BNC2: variants seen among roughly 807,000 people sequenced by gnomAD.
BNC2 encodes the protein basonuclin zinc finger protein 2, also known as zinc finger protein basonuclin-2.
A neutral mutation model predicts 76.3 loss-of-function variants in BNC2; 20 were observed. That is an observed-to-expected ratio of 0.26 (90% CI 0.18 to 0.38). The LOEUF (loss-of-function observed/expected upper bound fraction) is 0.38. BNC2 is among the 10% of genes least tolerant of loss of function. BNC2 has a pLI of 1.00. For synonymous variants in BNC2, 582 were observed against 514.8 expected, an observed-to-expected ratio of 1.13 and a Z score of -1.77; for missense variants, 1,382 against 1,399.8, an observed-to-expected ratio of 0.99 and a Z score of 0.20.
chr9:16,436,247 G>A lies in BNC2; in HGVS notation c.1947C>T (p.Thr649=), dbSNP rs62540608. The A allele has an allele frequency of 6.1e-3, 9,855 of 1,614,058 alleles. 41 individuals are homozygous for A. The highest frequency in any genetic ancestry group is 7.2e-3 in the Non-Finnish European group (8,520 of 1,180,010). ...PVKIEKEIID[T]ADEFDDEDDD... ...CATCTTCATCATCAAACTCATCGGC[G>A]GTATCAATAATTTCCTTCTCAATCT... The change falls in exon 6 of 7, where the codon ACC becomes ACT. Residue 649 remains threonine, a synonymous_variant. Coordinates refer to ENST00000380672, the MANE Select transcript of BNC2 (RefSeq NM_017637.6).
chr9:16,474,326 T>C (rs149103899), intron 5 of BNC2, among the ~76,000 whole-genome samples: 3 of 152,296 alleles, frequency 2.0e-5, no homozygotes, highest in Admixed American at 1.3e-4. Context: ...AGAAGAACAC[T>C]TGGGAACATT....
intron 2 of BNC2, among the ~76,000 whole-genome samples, chr9:16,735,640 G>C (rs1443603740): frequency 6.6e-6 from 1 of 151,896 alleles, no homozygotes; most frequent in Non-Finnish European, 1.5e-5. Flanking sequence ...GGGATTACAG[G>C]CGTGTGCCAT....
intron 1 of BNC2, among the ~76,000 whole-genome samples, chr9:16,810,529 A>G (rs1225779028): frequency 1.3e-5 from 2 of 152,238 alleles, no homozygotes; most frequent in Non-Finnish European, 2.9e-5. Context: ...TTAAGCAGTG[A>G]TGCACATTCA....
At chr9:16,817,775 C>G (rs1341096871) in intron 1 of BNC2, among the ~76,000 whole-genome samples, 1 of 152,182 alleles carries the variant, frequency 6.6e-6, no homozygotes, top group Non-Finnish European at 1.5e-5. Context: ...TAAGCATTTA[C>G]TGAGTTTTCA....
intron 3 of BNC2, among the ~76,000 whole-genome samples, chr9:16,589,414 A>G (rs1819861296): frequency 6.6e-6 from 1 of 151,570 alleles, no homozygotes; most frequent in South Asian, 2.1e-4. Flanking sequence ...TCAAACTCCT[A>G]AGCTCAAGCG....
chr9:16,503,824 A>G (rs1430069922), intron 5 of BNC2, among the ~76,000 whole-genome samples: 1 of 152,178 alleles, frequency 6.6e-6, no homozygotes, highest in Non-Finnish European at 1.5e-5. Flanking sequence ...TTATTTAGCA[A>G]TTATGTGGGC....
intron 5 of BNC2, among the ~76,000 whole-genome samples, chr9:16,481,828 CACAT>C (rs1209005431): frequency 1.2e-4 from 18 of 152,168 alleles, no homozygotes; most frequent in African/African-American, 4.1e-4. Flanking sequence ...TATACACAAA[CACAT>C]ACAGTCCAAT....
At chr9:16,653,050 A>C (rs1242088054) in intron 3 of BNC2, among the ~76,000 whole-genome samples, 1 of 152,136 alleles carries the variant, frequency 6.6e-6, no homozygotes, top group Non-Finnish European at 1.5e-5. Flanking sequence ...ATGATCTCCA[A>C]ATTACAAACT....
intron 1 of BNC2, among the ~76,000 whole-genome samples, chr9:16,780,745 C>CA (rs1266969148): frequency 6.6e-6 from 1 of 151,824 alleles, no homozygotes; most frequent in Non-Finnish European, 1.5e-5. Flanking sequence ...CCCAGAAGAG[C>CA]AAAAAATCTG....
At chr9:16,745,872 G>A (rs745359561) in intron 1 of BNC2, among the ~76,000 whole-genome samples, 1 of 152,142 alleles carries the variant, frequency 6.6e-6, no homozygotes, top group Non-Finnish European at 1.5e-5. Flanking sequence ...TATTTTTTCA[G>A]TAACAGTGGT....
intron 1 of BNC2, among the ~76,000 whole-genome samples, chr9:16,763,835 T>C (rs147288402): frequency 1.5e-4 from 23 of 152,234 alleles, no homozygotes; most frequent in Admixed American, 2.6e-4. Context: ...TCACAAAGGG[T>C]GGCAACATCA....
At chr9:16,485,531 A>T (rs975650068) in intron 5 of BNC2, among the ~76,000 whole-genome samples, 3 of 152,226 alleles carry the variant, frequency 2.0e-5, no homozygotes, top group Admixed American at 6.5e-5. Context: ...TCAAGGGATC[A>T]TATAGGCTCT....
At chr9:16,862,593 T>C (rs548821135) in intron 1 of BNC2, among the ~76,000 whole-genome samples, 181 of 152,196 alleles carry the variant, frequency 1.2e-3, no homozygotes, top group Non-Finnish European at 2.0e-3. Context: ...TGCGTAGAGA[T>C]ACTGACTGGA....
At chr9:16,482,337 T>C (rs1822074047) in intron 5 of BNC2, among the ~76,000 whole-genome samples, 1 of 152,118 alleles carries the variant, frequency 6.6e-6, no homozygotes, top group Admixed American at 6.5e-5. Context: ...ATAAATCAAA[T>C]TGGTATCAGT....
chr9:16,423,924 G>A (rs1820755724), intron 6 of BNC2, among the ~76,000 whole-genome samples: 2 of 152,102 alleles, frequency 1.3e-5, no homozygotes, highest in South Asian at 2.1e-4. Context: ...CAAAACCTTG[G>A]ACTGAGGGGA....
At chr9:16,533,787 A>T (rs1442065341) in intron 5 of BNC2, among the ~76,000 whole-genome samples, 1 of 152,214 alleles carries the variant, frequency 6.6e-6, no homozygotes, top group African/African-American at 2.4e-5. Context: ...CAACAAGGAG[A>T]TAATTAGGCA....
At chr9:16,669,530 T>C (rs1401764475) in intron 3 of BNC2, among the ~76,000 whole-genome samples, 1 of 152,240 alleles carries the variant, frequency 6.6e-6, no homozygotes, top group Non-Finnish European at 1.5e-5. Flanking sequence ...TTCCAATTGG[T>C]TGAGGATCTT....
intron 3 of BNC2, among the ~76,000 whole-genome samples, chr9:16,690,600 T>C (rs573355788): frequency 1.3e-5 from 2 of 152,276 alleles, no homozygotes; most frequent in South Asian, 2.1e-4. Context: ...CAGAAATACA[T>C]TCATTGTTAT....
chr9:16,776,229 C>G (rs1299541491), intron 1 of BNC2, among the ~76,000 whole-genome samples: 1 of 152,108 alleles, frequency 6.6e-6, no homozygotes, highest in East Asian at 1.9e-4. Context: ...CAACCTTCGC[C>G]TCCTGGGTTC....
Sources: gnomAD v4.1 joint callset for allele counts (sites outside exome capture counted in the v4.1 genomes callset) on GRCh38, gnomAD v4.1.1 for gene constraint, MANE v1.5 for transcripts, NCBI Gene and HGNC (gene_info 2026-07-23, HGNC 2026-07-21) for gene names.